Variants in BOD1L1 observed in about 807,000 individuals in gnomAD.
The protein encoded by BOD1L1 is biorientation of chromosomes in cell division 1 like 1.
Under a neutral mutation model 240.7 loss-of-function variants are expected in BOD1L1, and 86 were observed. That is an observed-to-expected ratio of 0.36 (90% confidence interval 0.30 to 0.43). The LOEUF is 0.43. Ranked by LOEUF, BOD1L1 falls within the 20% of genes least tolerant of loss-of-function variation. BOD1L1 has a pLI of 1.00. For missense variants in BOD1L1, 3,554 were observed against 3,643.5 expected (o/e 0.98, Z 0.63); for synonymous variants, 1,268 against 1,272.3 (o/e 1.00, Z 0.07).
chr4:13,577,660 A>G, intron 22 of BOD1L1, 29 bp from the exon 23 acceptor site: 1 of 1,485,696 alleles, frequency 6.7e-7, no homozygotes, highest in Non-Finnish European at 9.2e-7. Flanking sequence ...CTCTGCATTA[A>G]TATTTTATTA....
rs1713091645 is a variant in BOD1L1, at chr4:13,579,973, C to T, written c.8704G>A (p.Val2902Ile). 3 of 1,554,004 alleles carry T rather than the reference C, an allele frequency of 1.9e-6. No homozygotes were observed. Among genetic ancestry groups the T allele is most frequent in the Non-Finnish European group, 2.6e-6 (3 of 1,147,322 alleles). ...TTGCTGCTAGATGGAGATTGTTCTA[C>T]CTATGTTTAAATAAACAAACAAAAA... The part of the protein sequence containing the change: ...DSKTDTGIVT[V>I]EQSPSSSKLK... The change falls in exon 22 of 26, where the codon GTA (valine) becomes ATA (isoleucine). Residue 2902 changes from valine to isoleucine, a missense_variant and splice_region_variant. Physicochemically the swap from Val to Ile is conservative, Grantham distance 29. This residue lies in a region of BOD1L1 where 3,393 missense variants were observed against 3,427.1 expected (regional missense o/e 0.99). Transcript: ENST00000040738.
At position 13,599,279 on chromosome 4, in the gene BOD1L1, G is replaced by A. The variant is rs137945453; in HGVS notation, c.7621C>T (p.Pro2541Ser). The stretch of plus-strand genomic sequence containing the variant: ...TGCTCAGCCACGGTCCCTTGAACAG[G>A]TGGCATGTCATCAGCTTTTATAGCA... ...TGAIKADDMP[P>S]VQGTVAEHSF... Residue 2541 changes from proline to serine, a missense_variant, in exon 10 of 26, where the codon CCT becomes TCT. By Grantham distance (74) the Pro-to-Ser change is moderately conservative. Around this residue, in one of 2 missense-constraint regions of BOD1L1, gnomAD observed 3,393 missense variants for 3,427.1 expected, o/e 0.99. Transcript: ENST00000040738. 1.7e-5 allele frequency: 28 copies of A among 1,613,664 alleles called. No individual in the cohort carries two copies. The African/African-American group carries it at 3.2e-4, about 18-fold the overall frequency.
intron 2 of BOD1L1, among the ~76,000 whole-genome samples, chr4:13,617,954 C>A (rs754082194): frequency 1.3e-5 from 2 of 152,184 alleles, no homozygotes; most frequent in Non-Finnish European, 2.9e-5. Context: ...TGTCTTCCCT[C>A]TTTCAAAATG....
chr4:13,611,274 T>C (rs1300297388), intron 5 of BOD1L1, among the ~76,000 whole-genome samples, 174 bp from the exon 6 acceptor site: 2 of 152,220 alleles, frequency 1.3e-5, no homozygotes, highest in Non-Finnish European at 2.9e-5. Flanking sequence ...TTATTTCTTA[T>C]CAGCTTCTCA....
chr4:13,607,649 A>T (rs142395456), intron 8 of BOD1L1, among the ~76,000 whole-genome samples: 14 of 152,334 alleles, frequency 9.2e-5, no homozygotes, highest in East Asian at 5.8e-4. Flanking sequence ...GTTACATTTC[A>T]ATTTAAATCC....
chr4:13,616,304 G>C (rs1716590204), intron 2 of BOD1L1, among the ~76,000 whole-genome samples: 1 of 152,166 alleles, frequency 6.6e-6, no homozygotes. Flanking sequence ...GAAATTATTA[G>C]ATATGTCGAA....
At chr4:13,576,722 G>T in intron 25 of BOD1L1, 116 bp downstream of exon 25, 1 of 1,312,508 alleles carries the variant, frequency 7.6e-7, no homozygotes, top group Non-Finnish European at 1.0e-6. Flanking sequence ...TGAAAGGGAA[G>T]AACTTCCACT....
At chr4:13,614,107 A>G in intron 4 of BOD1L1, 89 bp downstream of exon 4, 1 of 1,182,334 alleles carries the variant, frequency 8.5e-7, no homozygotes, top group Non-Finnish European at 1.1e-6. Flanking sequence ...AAATAAACTT[A>G]TTAAAATATG....
chr4:13,614,832 T>A (rs140731239), intron 3 of BOD1L1, 22 bp from the exon 4 acceptor site: 1 of 1,571,298 alleles, frequency 6.4e-7, no homozygotes, highest in African/African-American at 1.4e-5. Context: ...ACAGAAGTTT[T>A]AGAATACATT....
Position 13,615,330 on chromosome 4 carries a change from T to C in BOD1L1, c.541A>G (p.Thr181Ala). 2 of 1,611,152 alleles carry C rather than the reference T, an allele frequency of 1.2e-6. No homozygotes were observed. Among genetic ancestry groups the C allele is most frequent in the South Asian group, 1.1e-5 (1 of 90,692 alleles). Residue 181 changes from threonine to alanine, a missense_variant, in exon 3 of 26, where the codon ACT becomes GCT. Thr to Ala is a moderately conservative substitution (Grantham distance 58). Around this residue, in one of 2 missense-constraint regions of BOD1L1, gnomAD observed 3,393 missense variants for 3,427.1 expected, o/e 0.99. Coordinates refer to ENST00000040738, the MANE Select transcript of BOD1L1 (RefSeq NM_148894.3). Reference sequence around the variant, plus strand: ...AAAGCACCTTGTGTAATAAGGGAAGTGTCTGGTTTCTCATCATCGGGAGCT... The same window carrying C: ...AAAGCACCTTGTGTAATAAGGGAAGCGTCTGGTTTCTCATCATCGGGAGCT... ...NTAPDDEKPD[T>A]SLITQGVPTP...
At chr4:13,606,676 C>G (rs772740107) in intron 9 of BOD1L1, among the ~76,000 whole-genome samples, 1 of 151,962 alleles carries the variant, frequency 6.6e-6, no homozygotes, top group Non-Finnish European at 1.5e-5. Context: ...ATTAGGATGC[C>G]TAGAAGGTAA....
chr4:13,597,067 CACTT>C (rs1257871144), intron 11 of BOD1L1, 33 bp downstream of exon 11: 2 of 1,494,770 alleles, frequency 1.3e-6, no homozygotes, highest in Non-Finnish European at 1.8e-6. Context: ...AGTATTTAAT[CACTT>C]ACAGTTCAGC....
intron 9 of BOD1L1, among the ~76,000 whole-genome samples, chr4:13,606,469 A>T (rs1715710222): frequency 6.6e-6 from 1 of 152,212 alleles, no homozygotes; most frequent in Non-Finnish European, 1.5e-5. Flanking sequence ...GGTTTTTGTA[A>T]AAAAGAATTT....
Position 13,604,920 on chromosome 4 carries a change from G to A in BOD1L1, c.1980C>T (p.Thr660=), listed in dbSNP as rs779970642. The A allele has an allele frequency of 2.5e-6, 4 of 1,613,494 alleles. No homozygotes were observed. Among genetic ancestry groups the A allele is most frequent in the Non-Finnish European group, 3.4e-6 (4 of 1,179,700 alleles). ...LEREHKRRTS[T]PVIMEGVQEE... is the part of the protein sequence containing the mutation. ...CCTGTACCCCCTCCATGATAACAGGGGTAGATGTCCGTCTTTTATGTTCTC... is the reference window on the plus strand; with the variant it reads ...CCTGTACCCCCTCCATGATAACAGGAGTAGATGTCCGTCTTTTATGTTCTC... Residue 660 remains threonine, a synonymous_variant, in exon 10 of 26, where the codon ACC becomes ACT. Transcript: ENST00000040738.
At chr4:13,574,346 C>T (rs745810965) in intron 25 of BOD1L1, among the ~76,000 whole-genome samples, 54 of 151,892 alleles carry the variant, frequency 3.6e-4, no homozygotes, top group Admixed American at 5.9e-4. Flanking sequence ...ATGAAGACAC[C>T]AGAGCCCTGG....
rs1716135098 is a variant in BOD1L1, at chr4:13,611,120, AAG to A, written c.1325-22_1325-21del. ...CTTCATCTGTAAGAAAGTTAATAGAAAGAGGAGTATGTCTGTGAATTAGCATA... is the reference window on the plus strand; with the variant it reads ...CTTCATCTGTAAGAAAGTTAATAGAAAGGAGTATGTCTGTGAATTAGCATA... On this transcript the variant is annotated intron_variant, in intron 5 of 25. Coordinates refer to ENST00000040738, the MANE Select transcript of BOD1L1 (RefSeq NM_148894.3). 1 of 1,550,688 alleles carries A rather than the reference AAG, an allele frequency of 6.4e-7. No individual in the cohort carries two copies.
In BOD1L1 at chr4:13,597,135, C is replaced by A; in HGVS notation, c.7988G>T (p.Gly2663Val). Residue 2663 changes from glycine to valine, a missense_variant, in exon 11 of 26, where the codon GGA becomes GTA. By Grantham distance (109) the Gly-to-Val change is moderately radical. Around this residue, in one of 2 missense-constraint regions of BOD1L1, gnomAD observed 3,393 missense variants for 3,427.1 expected, o/e 0.99. Coordinates refer to ENST00000040738, the MANE Select transcript of BOD1L1 (RefSeq NM_148894.3). ...NEESPLNVLGGLKLKANLKME... is the reference protein window; with the variant it reads ...NEESPLNVLGVLKLKANLKME... The stretch of plus-strand genomic sequence containing the variant: ...TTTCAAGTTGGCTTTCAGTTTCAAT[C>A]CTCCCAAAACATTCAATGGAGACTC... The A allele has an allele frequency of 6.3e-7, 1 of 1,595,566 alleles. No homozygotes were observed. The highest frequency in any genetic ancestry group is 1.7e-4 in the Middle Eastern group (1 of 6,038).
At position 13,581,050 on chromosome 4, in the gene BOD1L1, GTCT is replaced by G; in HGVS notation, c.8670_8672del (p.Lys2890_Asp2891delinsAsn). The G allele has an allele frequency of 6.4e-7, 1 of 1,567,790 alleles. No homozygotes were observed. Among genetic ancestry groups the G allele is most frequent in the East Asian group, 2.3e-5 (1 of 43,432 alleles). ...CAATGCCAGTATCTGTTTTGGAGTC[GTCT>G]TCTAAAAAAAAAAAATTCACTTAGA... On this transcript the variant is annotated inframe_deletion and splice_region_variant, in exon 21 of 26. Coordinates refer to ENST00000040738, the MANE Select transcript of BOD1L1 (RefSeq NM_148894.3).
chr4:13,573,442 G>GTCTA (rs1553830292), intron 25 of BOD1L1, among the ~76,000 whole-genome samples: 11,372 of 120,776 alleles, frequency 0.094, 504 homozygotes, highest in Non-Finnish European at 0.11. Context: ...CTGTCTGTCT[G>GTCTA]TCTATCTATC....
Sources: allele counts gnomAD v4.1 joint callset (sites outside exome capture counted in the v4.1 genomes callset), GRCh38; gene constraint gnomAD v4.1.1; regional missense constraint gnomAD v4.1.1; transcripts MANE v1.5; gene names NCBI Gene and HGNC (gene_info 2026-07-23, HGNC 2026-07-21).